Variants in ADGRL3 observed in about 807,000 individuals in gnomAD.
ADGRL3 encodes the protein adhesion G protein-coupled receptor L3.
Under a neutral mutation model 153.5 loss-of-function variants are expected in ADGRL3, and 62 were observed. The observed-to-expected ratio is 0.40, with a 90% CI of 0.33 to 0.50. The LOEUF (loss-of-function observed/expected upper bound fraction) is 0.50, where lower values mean the gene tolerates loss of function less well. Ranked by LOEUF, ADGRL3 falls within the 20% of genes least tolerant of loss-of-function variation. The probability of loss-of-function intolerance (pLI) is 0.47; values close to 1 mark genes in which losing one functional copy is unlikely to be tolerated. For synonymous variants in ADGRL3, 710 were observed against 672.5 expected (o/e 1.06, Z -0.86); for missense variants, 1,641 against 1,859.4 (o/e 0.88, Z 2.16).
intron 1 of ADGRL3, among the ~76,000 whole-genome samples, chr4:61,253,961 G>A (rs1354505602): frequency 1.3e-5 from 2 of 152,034 alleles, no homozygotes; most frequent in Admixed American, 6.6e-5. Flanking sequence ...CCCAAATTAA[G>A]CCTCCACCTA....
At chr4:61,875,444 T>C (rs1337775807) in intron 9 of ADGRL3, among the ~76,000 whole-genome samples, 2 of 152,246 alleles carry the variant, frequency 1.3e-5, no homozygotes, top group South Asian at 2.1e-4. Flanking sequence ...GGACTTGTTA[T>C]AATAAATTTT....
chr4:62,026,060 G>A (rs1718378299), intron 21 of ADGRL3, among the ~76,000 whole-genome samples: 1 of 151,958 alleles, frequency 6.6e-6, no homozygotes, highest in African/African-American at 2.4e-5. Context: ...ACATATCCTA[G>A]GTAATCTTTA....
At chr4:61,482,074 T>C (rs2098137500) in intron 2 of ADGRL3, among the ~76,000 whole-genome samples, 1 of 152,188 alleles carries the variant, frequency 6.6e-6, no homozygotes, top group African/African-American at 2.4e-5. Context: ...GTGTCTTGTT[T>C]TAACAATCAC....
At chr4:61,575,992 T>C (rs1269111726) in intron 4 of ADGRL3, among the ~76,000 whole-genome samples, 3 of 152,034 alleles carry the variant, frequency 2.0e-5, no homozygotes, top group Non-Finnish European at 4.4e-5. Flanking sequence ...GTGCCCTGTG[T>C]CATTTCATGA....
At chr4:61,217,100 A>T (rs557882079) in intron 1 of ADGRL3, among the ~76,000 whole-genome samples, 1 of 152,328 alleles carries the variant, frequency 6.6e-6, no homozygotes, top group African/African-American at 2.4e-5. Flanking sequence ...GGTGCAGGGG[A>T]TATGGAGCAT....
intron 1 of ADGRL3, among the ~76,000 whole-genome samples, chr4:61,247,760 A>G (rs28722177): frequency 0.022 from 3,338 of 152,088 alleles, 109 homozygotes; most frequent in African/African-American, 0.073. Flanking sequence ...AGAAATTGTT[A>G]TTTTCCTTTC....
intron 6 of ADGRL3, among the ~76,000 whole-genome samples, chr4:61,721,189 G>A (rs2096237742): frequency 6.6e-6 from 1 of 152,148 alleles, no homozygotes; most frequent in Admixed American, 6.5e-5. Flanking sequence ...GTGAAGGGGA[G>A]TTTATTAAGG....
intron 4 of ADGRL3, among the ~76,000 whole-genome samples, chr4:61,557,845 A>G (rs2098774381): frequency 6.6e-6 from 1 of 151,610 alleles, no homozygotes; most frequent in South Asian, 2.1e-4. Context: ...TTTACAAAGT[A>G]TATTAGAGAA....
At chr4:61,946,874 G>A in intron 15 of ADGRL3, 40 bp from the exon 16 acceptor site, 1 of 1,460,286 alleles carries the variant, frequency 6.8e-7, no homozygotes, top group Non-Finnish European at 9.6e-7. Context: ...ACTAATTTAA[G>A]TAGAGTGGAC....
intron 8 of ADGRL3, among the ~76,000 whole-genome samples, chr4:61,797,024 A>G (rs371913985): frequency 2.0e-5 from 3 of 152,028 alleles, no homozygotes; most frequent in Non-Finnish European, 4.4e-5. Context: ...TGTCCTGTCA[A>G]TTTGGCTTTT....
intron 19 of ADGRL3, among the ~76,000 whole-genome samples, chr4:61,989,521 G>A (rs2099096753): frequency 1.3e-5 from 2 of 151,882 alleles, no homozygotes; most frequent in South Asian, 4.1e-4. Context: ...TTTATTAAAG[G>A]CCAAGAACAT....
At chr4:61,443,624 TG>T (rs1324949979) in intron 2 of ADGRL3, among the ~76,000 whole-genome samples, 2 of 152,160 alleles carry the variant, frequency 1.3e-5, no homozygotes, top group Non-Finnish European at 2.9e-5. Context: ...CATGTGTTTA[TG>T]TTTTTTTTAT....
At chr4:61,241,561 T>A (rs1754976102) in intron 1 of ADGRL3, among the ~76,000 whole-genome samples, 1 of 152,088 alleles carries the variant, frequency 6.6e-6, no homozygotes, top group Admixed American at 6.6e-5. Flanking sequence ...TCATATTTGA[T>A]TTTTATTAAA....
At chr4:62,046,959 C>A (rs1350898182) in intron 25 of ADGRL3, among the ~76,000 whole-genome samples, 4 of 151,798 alleles carry the variant, frequency 2.6e-5, no homozygotes, top group East Asian at 1.9e-4. Context: ...TGCATTCAGG[C>A]GTGTGTATCA....
At chr4:61,617,149 T>G (rs1194317424) in intron 5 of ADGRL3, among the ~76,000 whole-genome samples, 1 of 152,144 alleles carries the variant, frequency 6.6e-6, no homozygotes, top group Non-Finnish European at 1.5e-5. Context: ...ATTCCTAAGA[T>G]TTGGTCACGA....
chr4:61,858,333 T>C lies in ADGRL3; in HGVS notation c.1481-34323T>C, dbSNP rs2149253448. ...ATGGCTGTGTGCCATTAAAACTTTA[T>C]GAATATTGGCCAGGCATGGTGGCTC... On this transcript the variant is annotated intron_variant, in intron 9 of 26. Coordinates refer to ENST00000683033, the MANE Select transcript of ADGRL3 (RefSeq NM_001387552.1). Among the ~76,000 whole-genome samples the C allele has an allele frequency of 1.3e-5, 2 of 152,218 alleles. 1 individual carries two copies. Among genetic ancestry groups the C allele is most frequent in the South Asian group, 4.1e-4 (2 of 4,828 alleles).
intron 8 of ADGRL3, among the ~76,000 whole-genome samples, chr4:61,752,858 T>C (rs1307897452): frequency 6.6e-6 from 1 of 152,072 alleles, no homozygotes; most frequent in Admixed American, 6.6e-5. Flanking sequence ...CACGTGAGCC[T>C]GGGAGGTGGA....
intron 11 of ADGRL3, 69 bp from the exon 12 acceptor site, chr4:61,909,491 C>A: frequency 1.9e-6 from 2 of 1,036,580 alleles, no homozygotes; most frequent in Non-Finnish European, 1.4e-6. Context: ...CAAACATGAT[C>A]GTTGAAAGAA....
chr4:61,583,108 T>G (rs2098932675), intron 4 of ADGRL3, among the ~76,000 whole-genome samples: 4 of 152,050 alleles, frequency 2.6e-5, no homozygotes. Context: ...TAGACTATAT[T>G]TAGTCTTTTA....
Sources: gnomAD v4.1 joint callset for allele counts (sites outside exome capture counted in the v4.1 genomes callset) on GRCh38, gnomAD v4.1.1 for gene constraint, MANE v1.5 for transcripts, NCBI Gene and HGNC (gene_info 2026-07-23, HGNC 2026-07-21) for gene names.